Variants in OGDHL observed in about 807,000 individuals in gnomAD.
OGDHL encodes 2-oxoglutarate dehydrogenase-like, mitochondrial.
A neutral mutation model predicts 109.6 loss-of-function variants in OGDHL; 79 were observed. The ratio of observed to expected loss-of-function variants is 0.72; its 90% CI spans 0.60 to 0.87. The LOEUF is 0.87. OGDHL is among the 40% of genes least tolerant of loss of function. OGDHL has a pLI of 0.00. For synonymous variants in OGDHL, 528 were observed against 537.2 expected (o/e 0.98, Z 0.24); for missense variants, 1,275 against 1,362.2 (o/e 0.94, Z 1.01).
chr10:49,751,968 T>C lies in OGDHL; in HGVS notation c.608A>G (p.Gln203Arg). 6.2e-7 allele frequency: 1 copy of C among 1,614,178 alleles called. No individual in the cohort carries two copies. Among genetic ancestry groups the C allele is most frequent in the South Asian group, 1.1e-5 (1 of 91,080 alleles). The change falls in exon 6 of 23, where the codon CAG becomes CGG. Residue 203 changes from glutamine to arginine, a missense_variant. Gln to Arg is a conservative substitution (Grantham distance 43). Transcript: ENST00000374103. ...IIRRLENTYCQHIGLEFMFIN... is the reference protein window; with the variant it reads ...IIRRLENTYCRHIGLEFMFIN... ...GAACATGAACTCCAGGCCAATGTGC[T>C]GGCAGTAGGTGTTCTGGGGAGACAC...
At chr10:49,758,787 A>T in intron 1 of OGDHL, 194 bp from the exon 2 acceptor site, 1 of 618,910 alleles carries the variant, frequency 1.6e-6, no homozygotes, top group East Asian at 2.7e-5. Flanking sequence ...CTCCCAGCTC[A>T]GTAAACTCTA....
chr10:49,753,818 A>G (rs548665801), intron 3 of OGDHL, among the ~76,000 whole-genome samples: 1 of 149,156 alleles, frequency 6.7e-6, no homozygotes, highest in Admixed American at 6.8e-5. Context: ...TGAATCTGGG[A>G]AGTGGAGGCT....
At chr10:49,741,821 T>C (rs200544140) in intron 15 of OGDHL, among the ~76,000 whole-genome samples, 1 of 109,488 alleles carries the variant, frequency 9.1e-6, no homozygotes, top group Admixed American at 9.5e-5. Flanking sequence ...CACACACATA[T>C]ACACCACACA....
At chr10:49,760,677 A>G (rs1843216043) in intron 1 of OGDHL, among the ~76,000 whole-genome samples, 1 of 152,214 alleles carries the variant, frequency 6.6e-6, no homozygotes, top group Non-Finnish European at 1.5e-5. Flanking sequence ...CCAACATCCC[A>G]TGGGGTGGGC....
chr10:49,762,035 G>A (rs1427707916), intron 1 of OGDHL, among the ~76,000 whole-genome samples: 1 of 152,122 alleles, frequency 6.6e-6, no homozygotes, highest in Non-Finnish European at 1.5e-5. Context: ...ATGGGCTGGG[G>A]GTCCCGGGGG....
intron 21 of OGDHL, 41 bp from the exon 22 acceptor site, chr10:49,736,218 C>A: frequency 6.4e-7 from 1 of 1,569,334 alleles, no homozygotes; most frequent in Non-Finnish European, 8.6e-7. Context: ...AGAGGAGGGG[C>A]GGTATGTCCC....
rs201486670 is a variant in OGDHL, at chr10:49,744,045, T to C, written c.1810A>G (p.Ile604Val). 153 of 1,613,990 alleles carry C rather than the reference T, an allele frequency of 9.5e-5. No homozygotes were observed. Among genetic ancestry groups the C allele is most frequent in the Non-Finnish European group, 1.2e-4 (142 of 1,179,980 alleles). ...TGIPEDMLTH[I>V]GSVASSVPLE... ...GGCACAGAGCTGGCCACACTGCCGATGTGGGTGAGCATGTCCTCAGGGATC... is the reference window on the plus strand; with the variant it reads ...GGCACAGAGCTGGCCACACTGCCGACGTGGGTGAGCATGTCCTCAGGGATC... The change falls in exon 14 of 23, where the codon ATC (isoleucine) becomes GTC (valine). Residue 604 changes from isoleucine (I) to valine (V), a missense_variant. By Grantham distance (29) the Ile-to-Val change is conservative. Coordinates refer to ENST00000374103, the MANE Select transcript of OGDHL (RefSeq NM_018245.3).
At position 49,752,118 on chromosome 10, in the gene OGDHL, C is replaced by T. The variant is rs745611808; in HGVS notation, c.594+15G>A. 1 of 1,611,474 alleles carries T rather than the reference C, an allele frequency of 6.2e-7. No homozygotes were observed. Among genetic ancestry groups the T allele is most frequent in the Non-Finnish European group, 8.5e-7 (1 of 1,177,646 alleles). On this transcript the variant is annotated intron_variant, in intron 5 of 22. Coordinates refer to ENST00000374103, the MANE Select transcript of OGDHL (RefSeq NM_018245.3). ...AGCTGCTTCAGCTGCACCCCACACA[C>T]CCGCCTGTGCTCACCTCCAGGCGCC... is the stretch of plus-strand genomic sequence containing the variant.
chr10:49,758,332 C>G, intron 2 of OGDHL, 57 bp downstream of exon 2: 1 of 1,532,834 alleles, frequency 6.5e-7, no homozygotes, highest in South Asian at 1.2e-5. Context: ...TGCCACAGCC[C>G]GGCCCCCGAG....
chr10:49,738,349 T>C, intron 17 of OGDHL, 87 bp from the exon 18 acceptor site: 1 of 1,424,130 alleles, frequency 7.0e-7, no homozygotes. Flanking sequence ...CAGGGGAAAG[T>C]CTGGAGGGCT....
intron 17 of OGDHL, 100 bp downstream of exon 17, chr10:49,739,561 G>A: frequency 1.4e-6 from 2 of 1,423,384 alleles, no homozygotes; most frequent in Non-Finnish European, 1.9e-6. Flanking sequence ...GGGCCTGGAA[G>A]GCATATACCG....
chr10:49,761,691 C>T (rs897100026), intron 1 of OGDHL, among the ~76,000 whole-genome samples: 2 of 152,226 alleles, frequency 1.3e-5, no homozygotes, highest in Non-Finnish European at 2.9e-5. Context: ...CCCCGTCCCC[C>T]TCCCACATCT....
intron 8 of OGDHL, among the ~76,000 whole-genome samples, chr10:49,748,228 G>C (rs1169979606): frequency 6.6e-6 from 1 of 152,248 alleles, no homozygotes. Context: ...TGCTTTAGCT[G>C]TAAGAAGCCT....
At chr10:49,756,572 CA>C (rs147624465) in intron 3 of OGDHL, 129 of 491,714 alleles carry the variant, frequency 2.6e-4, no homozygotes, top group South Asian at 6.6e-4. Flanking sequence ...TCAGTATGCA[CA>C]AAAAAAAATT....
rs756521146 is a variant in OGDHL at position 49,756,900 on chromosome 10, C to G, written c.251G>C (p.Gly84Ala). ...AGAAGGGGGCCGTGGCTGAGCAGAG[C>G]CAGAAAAGGCTTCCTCGCTGGCTTC... ...FREASEEAFSGSAQPRPPSVV... is the reference protein window; with the variant it reads ...FREASEEAFSASAQPRPPSVV... The change falls in exon 3 of 23, where the codon GGC (glycine) becomes GCC (alanine). Residue 84 changes from glycine to alanine, a missense_variant. Physicochemically the swap from Gly to Ala is moderately conservative, Grantham distance 60 (BLOSUM62 0). Transcript: ENST00000374103. The G allele has an allele frequency of 1.2e-6, 2 of 1,613,780 alleles. No homozygotes were observed.
At chr10:49,761,824 T>C (rs1048062106) in intron 1 of OGDHL, among the ~76,000 whole-genome samples, 7 of 152,206 alleles carry the variant, frequency 4.6e-5, no homozygotes, top group African/African-American at 1.7e-4. Flanking sequence ...ATTAGGCTCC[T>C]TGGTAGTCCG....
At chr10:49,760,318 C>T (rs926291109) in intron 1 of OGDHL, among the ~76,000 whole-genome samples, 4 of 152,186 alleles carry the variant, frequency 2.6e-5, no homozygotes, top group Admixed American at 6.5e-5. Context: ...CCCTAGAGCG[C>T]GGGGCACTTG....
chr10:49,736,913 C>T (rs1440704813), intron 20 of OGDHL, among the ~76,000 whole-genome samples: 1 of 152,182 alleles, frequency 6.6e-6, no homozygotes, highest in East Asian at 1.9e-4. Flanking sequence ...GCAGATGTCC[C>T]AGGAGGCTGC....
At chr10:49,744,454 C>T (rs1842029691) in intron 13 of OGDHL, among the ~76,000 whole-genome samples, 196 bp downstream of exon 13, 1 of 152,138 alleles carries the variant, frequency 6.6e-6, no homozygotes, top group South Asian at 2.1e-4. Flanking sequence ...GAGCACCTGG[C>T]CATCCATGCT....
Sources: allele counts gnomAD v4.1 joint callset (sites outside exome capture counted in the v4.1 genomes callset), GRCh38; gene constraint gnomAD v4.1.1; transcripts MANE v1.5; gene names NCBI Gene and HGNC (gene_info 2026-07-23, HGNC 2026-07-21).